The following PRR16 variants were observed in gnomAD, a reference collection of about 807,000 sequenced individuals.
PRR16 encodes protein Largen.
A neutral mutation model predicts 18.2 loss-of-function variants in PRR16; 6 were observed. That is an observed-to-expected ratio of 0.33 (90% confidence interval 0.18 to 0.65). PRR16 has a LOEUF of 0.65. Among genes scored for constraint, PRR16 ranks in the 30% least tolerant of loss-of-function variants. The probability of loss-of-function intolerance (pLI) is 0.74; values close to 1 mark genes in which losing one functional copy is unlikely to be tolerated. For missense variants in PRR16, 412 were observed against 376.6 expected (o/e 1.09, Z -0.78); for synonymous variants, 151 against 147.8 (o/e 1.02, Z -0.16).
At chr5:120,781,676 C>G in the PRR16 span, among the ~76,000 whole-genome samples, 4 of 152,064 alleles carry the variant, frequency 2.6e-5, no homozygotes, top group South Asian at 2.1e-4. Context: ...TTTGGAGTAC[C>G]ATGTTCTCAA....
chr5:120,498,583 A>G (rs1389744800), intron 1 of PRR16, among the ~76,000 whole-genome samples: 1 of 151,658 alleles, frequency 6.6e-6, no homozygotes, highest in South Asian at 2.1e-4. Context: ...GAGGAAAGGA[A>G]TTGCATTTAT....
chr5:120,593,471 T>G (rs910029974), intron 1 of PRR16, among the ~76,000 whole-genome samples: 11 of 151,584 alleles, frequency 7.3e-5, no homozygotes, highest in Non-Finnish European at 1.6e-4. Flanking sequence ...CTTCCCTGAA[T>G]AGATCAGTAA....
At chr5:120,578,014 G>A (rs1466019224) in intron 1 of PRR16, among the ~76,000 whole-genome samples, 1 of 152,006 alleles carries the variant, frequency 6.6e-6, no homozygotes, top group Non-Finnish European at 1.5e-5. Flanking sequence ...TGAAAAGAAA[G>A]AGAAAGCAAG....
chr5:120,599,667 C>T (rs936009375), intron 1 of PRR16, among the ~76,000 whole-genome samples: 17 of 151,784 alleles, frequency 1.1e-4, no homozygotes, highest in Admixed American at 1.1e-3. Context: ...CATGTATTAT[C>T]GTTTTCTGAG....
intron 1 of PRR16, among the ~76,000 whole-genome samples, chr5:120,646,660 G>A (rs1206570880): frequency 6.6e-6 from 1 of 151,968 alleles, no homozygotes. Context: ...TGATATGTTA[G>A]ATATATTATA....
At chr5:120,707,437 T>G in the PRR16 span, among the ~76,000 whole-genome samples, 5 of 152,206 alleles carry the variant, frequency 3.3e-5, no homozygotes, top group African/African-American at 1.2e-4. Context: ...TAGATACTTT[T>G]GGAGAAACAA....
intron 1 of PRR16, among the ~76,000 whole-genome samples, chr5:120,573,555 G>A (rs1752973520): frequency 6.6e-6 from 1 of 152,128 alleles, no homozygotes; most frequent in Admixed American, 6.6e-5. Context: ...TTTAGAAAGA[G>A]CACGGTGAAC....
At chr5:120,499,225 T>A (rs913655782) in intron 1 of PRR16, among the ~76,000 whole-genome samples, 1 of 151,994 alleles carries the variant, frequency 6.6e-6, no homozygotes, top group African/African-American at 2.4e-5. Flanking sequence ...CTCTCCTGTC[T>A]CAGCCGCCCC....
At chr5:120,551,166 C>T (rs893352582) in intron 1 of PRR16, among the ~76,000 whole-genome samples, 2 of 151,976 alleles carry the variant, frequency 1.3e-5, no homozygotes, top group Non-Finnish European at 2.9e-5. Flanking sequence ...CTTTGAACAA[C>T]ATGTCTTCAT....
intron 1 of PRR16, among the ~76,000 whole-genome samples, chr5:120,579,749 A>G (rs1753204626): frequency 6.6e-6 from 1 of 152,186 alleles, no homozygotes; most frequent in African/African-American, 2.4e-5. Context: ...TATGAAATTT[A>G]AAATAGTTTT....
At chr5:120,651,154 C>T (rs956447070) in intron 1 of PRR16, among the ~76,000 whole-genome samples, 139 of 152,116 alleles carry the variant, frequency 9.1e-4, no homozygotes, top group African/African-American at 2.4e-3. Context: ...TCATATCCTT[C>T]GCCCACTTTT....
chr5:120,694,818 C>T, the PRR16 span, among the ~76,000 whole-genome samples: 17 of 152,054 alleles, frequency 1.1e-4, no homozygotes, highest in African/African-American at 2.9e-4. Context: ...GAGTATAATT[C>T]GTGAAACTAA....
At chr5:120,783,723 A>C in the PRR16 span, among the ~76,000 whole-genome samples, 6 of 152,282 alleles carry the variant, frequency 3.9e-5, no homozygotes, top group South Asian at 1.2e-3. Context: ...TGTTGGGAAC[A>C]TTCCAAACCC....
At chr5:120,508,455 C>T (rs1750716191) in intron 1 of PRR16, among the ~76,000 whole-genome samples, 1 of 152,092 alleles carries the variant, frequency 6.6e-6, no homozygotes, top group South Asian at 2.1e-4. Flanking sequence ...ACAATTTAAT[C>T]TCTGTAGCAG....
At chr5:120,571,766 C>G (rs1298330281) in intron 1 of PRR16, among the ~76,000 whole-genome samples, 1 of 152,118 alleles carries the variant, frequency 6.6e-6, no homozygotes, top group Non-Finnish European at 1.5e-5. Flanking sequence ...TATTATGTAT[C>G]ACATGTTAAT....
At position 120,616,501 on chromosome 5, in the gene PRR16, C is replaced by T. The variant is rs531355428; in HGVS notation, c.160-69453C>T. Reference sequence around the variant, plus strand: ...CCAGAGTATGTTTCCCTGAGGTTGGCTCAGCCCATTCACATTTTGTTCAGC... The same window carrying T: ...CCAGAGTATGTTTCCCTGAGGTTGGTTCAGCCCATTCACATTTTGTTCAGC... On this transcript the variant is annotated intron_variant, in intron 1 of 1. Transcript: ENST00000407149. Among the ~76,000 whole-genome samples, 5 of 152,256 alleles carry T rather than the reference C, an allele frequency of 3.3e-5. No homozygotes were observed. In the East Asian group the frequency reaches 7.7e-4, roughly 24 times the overall value.
At chr5:120,628,513 T>C (rs1754941218) in intron 1 of PRR16, among the ~76,000 whole-genome samples, 2 of 152,168 alleles carry the variant, frequency 1.3e-5, no homozygotes, top group African/African-American at 4.8e-5. Flanking sequence ...ATTGGAACTT[T>C]TTCTCCCATA....
the PRR16 span, among the ~76,000 whole-genome samples, chr5:120,711,597 G>A: frequency 4.7e-4 from 72 of 152,206 alleles, no homozygotes; most frequent in African/African-American, 1.5e-3. Flanking sequence ...TTAGATATGC[G>A]ATCTGGGCCA....
the PRR16 span, among the ~76,000 whole-genome samples, chr5:120,706,747 T>C: frequency 6.6e-6 from 1 of 152,200 alleles, no homozygotes; most frequent in African/African-American, 2.4e-5. Flanking sequence ...AAAGATTTTA[T>C]TCAAATTGTT....
Sources: allele counts gnomAD v4.1 joint callset (sites outside exome capture counted in the v4.1 genomes callset), GRCh38; gene constraint gnomAD v4.1.1; transcripts MANE v1.5; gene names NCBI Gene and HGNC (gene_info 2026-07-23, HGNC 2026-07-21).